Variants in DMD observed in about 807,000 individuals in gnomAD.
DMD encodes the protein mutant dystrophin.
In DMD, 63 loss-of-function variants were observed where a neutral mutation model predicts 330.1. That is an observed-to-expected ratio of 0.19 (90% confidence interval 0.16 to 0.24). The LOEUF (loss-of-function observed/expected upper bound fraction) is 0.24. Ranked by LOEUF, DMD falls within the 10% of genes least tolerant of loss-of-function variation. The pLI is 1.00. For missense variants in DMD, 3,344 were observed against 2,684.1 expected (o/e 1.25, Z -5.43); for synonymous variants, 1,223 against 959.8 (o/e 1.27, Z -5.07).
At chrX:32,642,677 G>A (rs949626490) in intron 11 of DMD, among the ~76,000 whole-genome samples, 1 of 111,703 alleles carries the variant, frequency 9.0e-6, no homozygotes, top group African/African-American at 3.2e-5. Flanking sequence ...ATTCCAGGAG[G>A]AATTCATATT....
chrX:32,820,819 G>A (rs2078177725), intron 5 of DMD, among the ~76,000 whole-genome samples: 2 of 112,109 alleles, frequency 1.8e-5, no homozygotes, highest in Admixed American at 9.5e-5. Flanking sequence ...TACCATTTAT[G>A]TCTAATGTAT....
chrX:32,689,867 C>G (rs1272627922), intron 9 of DMD, among the ~76,000 whole-genome samples: 1 of 109,896 alleles, frequency 9.1e-6, no homozygotes, highest in Non-Finnish European at 1.9e-5. Flanking sequence ...TAAAAAAAAC[C>G]ATTAAACTCT....
At chrX:31,215,852 G>T (rs963773612) in intron 64 of DMD, among the ~76,000 whole-genome samples, 1 of 112,430 alleles carries the variant, frequency 8.9e-6, no homozygotes, top group Non-Finnish European at 1.9e-5. Flanking sequence ...AATTTGGTGG[G>T]CCTACTTTCC....
Position 31,748,808 on chromosome X carries a change from A to G in DMD, c.7543-19060T>C, listed in dbSNP as rs747267612. On this transcript the variant is annotated intron_variant, in intron 51 of 78. Transcript: ENST00000357033. Reference sequence around the variant, plus strand: ...ACCCTTTTATAGACAAGGAAAATGAAGCACGGAATGAAGCATAATTTGCCC... The same window carrying G: ...ACCCTTTTATAGACAAGGAAAATGAGGCACGGAATGAAGCATAATTTGCCC... Among the ~76,000 whole-genome samples the G allele has an allele frequency of 8.0e-5, 9 of 111,969 alleles. No homozygotes were observed. In the South Asian group the frequency reaches 3.4e-3, roughly 42 times the overall value.
Position 32,518,065 on chromosome X carries a change from A to G in DMD, c.2235T>C (p.Pro745=). The change falls in exon 18 of 79, where the codon CCT becomes CCC. Residue 745 remains proline (P), a synonymous_variant. Coordinates refer to ENST00000357033, the MANE Select transcript of DMD (RefSeq NM_004006.3). ...CTTCCTTCCGAAAGATTGCAAATTCAGGACTCTGCAACACAGCTTCTGAGC... is the reference window on the plus strand; with the variant it reads ...CTTCCTTCCGAAAGATTGCAAATTCGGGACTCTGCAACACAGCTTCTGAGC... ...ITRSEAVLQS[P]EFAIFRKEGN... is the part of the protein sequence containing the mutation. 8.3e-7 allele frequency: 1 copy of G among 1,209,388 alleles called. No homozygotes were observed. Among genetic ancestry groups the G allele is most frequent in the Non-Finnish European group, 1.1e-6 (1 of 893,241 alleles).
At chrX:31,158,172 C>T (rs994435398) in intron 74 of DMD, among the ~76,000 whole-genome samples, 1 of 111,327 alleles carries the variant, frequency 9.0e-6, no homozygotes, top group African/African-American at 3.3e-5. Flanking sequence ...TTATCCATAA[C>T]AGACAATAAG....
At chrX:31,732,398 A>G (rs977470875) in intron 51 of DMD, among the ~76,000 whole-genome samples, 1 of 111,431 alleles carries the variant, frequency 9.0e-6, no homozygotes, top group Non-Finnish European at 1.9e-5. Context: ...GGGATTTAAT[A>G]TGGCATACGC....
chrX:32,684,826 T>C (rs1197945867), intron 9 of DMD, among the ~76,000 whole-genome samples: 3 of 111,479 alleles, frequency 2.7e-5, no homozygotes, highest in Admixed American at 9.6e-5. Context: ...CTTATTGATT[T>C]ATCAGCATTA....
At chrX:32,751,310 C>A (rs1220866472) in intron 7 of DMD, among the ~76,000 whole-genome samples, 2 of 110,926 alleles carry the variant, frequency 1.8e-5, no homozygotes, top group African/African-American at 6.6e-5. Flanking sequence ...AGAATGAAAT[C>A]CAAGCTGAGA....
At chrX:32,010,569 A>T (rs185295292) in intron 44 of DMD, among the ~76,000 whole-genome samples, 293 of 111,909 alleles carry the variant, frequency 2.6e-3, no homozygotes, top group Middle Eastern at 9.2e-3. Context: ...AAATACTAGC[A>T]GTCACCAAAA....
intron 41 of DMD, among the ~76,000 whole-genome samples, chrX:32,321,290 A>G (rs1031634568): frequency 1.8e-5 from 2 of 111,021 alleles, no homozygotes; most frequent in African/African-American, 6.6e-5. Context: ...ATTTAGAAGA[A>G]TATATGTATC....
chrX:32,678,645 A>C (rs188699420), intron 9 of DMD, among the ~76,000 whole-genome samples: 98 of 111,305 alleles, frequency 8.8e-4, no homozygotes, highest in African/African-American at 2.9e-3. Flanking sequence ...AAACACTAAC[A>C]TGTGATCCCT....
chrX:32,295,553 A>G (rs779003766), intron 42 of DMD, among the ~76,000 whole-genome samples: 2 of 112,697 alleles, frequency 1.8e-5, no homozygotes, highest in South Asian at 7.2e-4. Flanking sequence ...CTCTCCCTTA[A>G]GAAGATAATT....
At chrX:32,392,703 T>A (rs907337363) in intron 30 of DMD, among the ~76,000 whole-genome samples, 1 of 112,677 alleles carries the variant, frequency 8.9e-6, no homozygotes, top group African/African-American at 3.2e-5. Context: ...ACCAATAGAA[T>A]ATAGTCCAAG....
At chrX:32,396,287 G>C (rs1321653841) in intron 30 of DMD, among the ~76,000 whole-genome samples, 1 of 111,030 alleles carries the variant, frequency 9.0e-6, no homozygotes, top group African/African-American at 3.3e-5. Context: ...ATGAGCTTCT[G>C]TGTTTTTAGA....
At chrX:32,754,254 G>A (rs185144973) in intron 7 of DMD, among the ~76,000 whole-genome samples, 5 of 110,258 alleles carry the variant, frequency 4.5e-5, no homozygotes, top group African/African-American at 3.3e-5. Flanking sequence ...TACAATTATC[G>A]CCATTTTACA....
At chrX:32,301,652 CAAAGG>C (rs746709726) in intron 42 of DMD, among the ~76,000 whole-genome samples, 1 of 110,080 alleles carries the variant, frequency 9.1e-6, no homozygotes, top group Non-Finnish European at 1.9e-5. Flanking sequence ...TTTTAAATGG[CAAAGG>C]AAAGACAACA....
chrX:31,478,094 A>G lies in DMD; in HGVS notation c.8937+12T>C. The G allele has an allele frequency of 8.3e-7, 1 of 1,209,605 alleles. No individual in the cohort carries two copies. Among genetic ancestry groups the G allele is most frequent in the Non-Finnish European group, 1.1e-6 (1 of 894,791 alleles). Reference sequence around the variant, plus strand: ...CTCTCAAAGGGCCCTGAAGCAAAGAAGTAGACGGTACCTTGACTTTCTCGA... The same window carrying G: ...CTCTCAAAGGGCCCTGAAGCAAAGAGGTAGACGGTACCTTGACTTTCTCGA... On this transcript the variant is annotated intron_variant, in intron 59 of 78. Coordinates refer to ENST00000357033, the MANE Select transcript of DMD (RefSeq NM_004006.3).
At chrX:32,570,435 T>TTTAATCCTA (rs759015022) in intron 15 of DMD, among the ~76,000 whole-genome samples, 6 of 111,972 alleles carry the variant, frequency 5.4e-5, no homozygotes, top group Non-Finnish European at 1.1e-4. Flanking sequence ...TAACACAAAT[T>TTTAATCCTA]TTAATCCTAT....
Sources: gnomAD v4.1 joint callset for allele counts (sites outside exome capture counted in the v4.1 genomes callset) on GRCh38, gnomAD v4.1.1 for gene constraint, MANE v1.5 for transcripts, NCBI Gene and HGNC (gene_info 2026-07-23, HGNC 2026-07-21) for gene names.